RIN3: variants seen among roughly 807,000 people sequenced by gnomAD.
The protein encoded by RIN3 is RAB5 interacting protein 3.
In RIN3, 54 loss-of-function variants were observed where a neutral mutation model predicts 76.3. That is an observed-to-expected ratio of 0.71 (90% CI 0.57 to 0.89). The LOEUF (loss-of-function observed/expected upper bound fraction) is 0.89. Ranked by LOEUF, RIN3 falls within the 40% of genes least tolerant of loss-of-function variation. RIN3 has a pLI of 0.00. For missense variants in RIN3, 1,256 were observed against 1,322.1 expected, an observed-to-expected ratio of 0.95 and a Z score of 0.78; for synonymous variants, 576 against 564.0, an observed-to-expected ratio of 1.02 and a Z score of -0.30.
chr14:92,567,915 TTAA>T (rs1373521598), intron 2 of RIN3, among the ~76,000 whole-genome samples: 2 of 152,204 alleles, frequency 1.3e-5, no homozygotes, highest in African/African-American at 4.8e-5. Context: ...ATAATAATAA[TTAA>T]TAATTAGGAT....
chr14:92,555,988 A>G (rs777908785), intron 2 of RIN3, 33 bp downstream of exon 2: 2 of 1,588,520 alleles, frequency 1.3e-6, no homozygotes, highest in Non-Finnish European at 8.6e-7. Context: ...TGGTAGGCAC[A>G]CACACCTGTG....
At chr14:92,601,759 C>T (rs147497145) in intron 3 of RIN3, among the ~76,000 whole-genome samples, 4 of 152,280 alleles carry the variant, frequency 2.6e-5, no homozygotes, top group African/African-American at 9.6e-5. Flanking sequence ...TGACTCCTTC[C>T]ACCTCCCCTT....
chr14:92,592,642 GTATTATTATTATTAT>G (rs143659950), intron 3 of RIN3, among the ~76,000 whole-genome samples: 12,543 of 134,570 alleles, frequency 0.093, 680 homozygotes, highest in Non-Finnish European at 0.12. Flanking sequence ...TTTAAATTTT[GTATTATTATTATTAT>G]TATTATTATT....
In RIN3 at chr14:92,555,904, G is replaced by A. The variant is rs1468345813; in HGVS notation, c.198G>A (p.Leu66=). 12 of 1,613,800 alleles carry A rather than the reference G, an allele frequency of 7.4e-6. No individual in the cohort carries two copies. Among genetic ancestry groups the A allele is most frequent in the African/African-American group, 1.3e-5 (1 of 74,914 alleles). Residue 66 remains leucine, a synonymous_variant, in exon 2 of 10, where the codon CTG becomes CTA. Coordinates refer to ENST00000216487, the MANE Select transcript of RIN3 (RefSeq NM_024832.5). ...LIKTCPVWLQ[L]SLGQAEVARI... The stretch of plus-strand genomic sequence containing the variant: ...AAACATGCCCGGTGTGGCTGCAGCT[G>A]AGTCTGGGCCAGGCAGAGGTGGCCA...
intron 1 of RIN3, chr14:92,515,603 TATC>T (rs774731157): frequency 4.0e-5 from 12 of 303,068 alleles, no homozygotes; most frequent in Non-Finnish European, 6.1e-5. Context: ...TCACCATTAT[TATC>T]ATTTGTTGGG....
Position 92,656,480 on chromosome 14 carries a change from C to T in RIN3, c.2027-2681C>T, listed in dbSNP as rs1328139191. Among the ~76,000 whole-genome samples, 1 of 152,164 alleles carries T rather than the reference C, an allele frequency of 6.6e-6. No individual in the cohort carries two copies. Among genetic ancestry groups the T allele is most frequent in the Middle Eastern group, 3.2e-3 (1 of 316 alleles). ...CAAAGGAGGTGGAGCACAAGCTGGACCTCTGCTGGAAACAGCAGGAATGAC... is the reference window on the plus strand; with the variant it reads ...CAAAGGAGGTGGAGCACAAGCTGGATCTCTGCTGGAAACAGCAGGAATGAC... On this transcript the variant is annotated intron_variant, in intron 6 of 9. Transcript: ENST00000216487. This position sits in a 1 kb window ranked among gnomAD's most constrained non-coding sequence, Gnocchi z 5.2.
chr14:92,552,533 C>T (rs1291578997), intron 1 of RIN3, among the ~76,000 whole-genome samples: 1 of 152,084 alleles, frequency 6.6e-6, no homozygotes, highest in Non-Finnish European at 1.5e-5. Flanking sequence ...GGGGCCCTCC[C>T]CCTACCCCCT....
In RIN3 at chr14:92,582,409, T is replaced by C. The variant is rs186800606; in HGVS notation, c.367+4932T>C. Among the ~76,000 whole-genome samples the C allele has an allele frequency of 8.3e-3, 1,244 of 150,126 alleles. 11 individuals are homozygous for C. The highest frequency in any genetic ancestry group is 0.051 in the Middle Eastern group (15 of 292). The stretch of plus-strand genomic sequence containing the variant: ...AATACACAGGTGTCATCCGTAAGTT[T>C]GTGTGTGTGTGGTTTTGCTGTTTCC... On this transcript the variant is annotated intron_variant, in intron 3 of 9. Transcript: ENST00000216487.
intron 2 of RIN3, among the ~76,000 whole-genome samples, chr14:92,570,043 G>T (rs1189029897): frequency 6.6e-6 from 1 of 152,222 alleles, no homozygotes; most frequent in Non-Finnish European, 1.5e-5. Flanking sequence ...GATACCTAAA[G>T]ATGGGGCAGC....
chr14:92,544,601 C>T (rs754561966), intron 1 of RIN3, among the ~76,000 whole-genome samples: 2 of 152,166 alleles, frequency 1.3e-5, no homozygotes, highest in Admixed American at 6.5e-5. Flanking sequence ...GGGGACAGGG[C>T]ACTGGCAGAA....
At chr14:92,517,496 C>A (rs746445520) in intron 1 of RIN3, among the ~76,000 whole-genome samples, 80 of 152,202 alleles carry the variant, frequency 5.3e-4, no homozygotes, top group Non-Finnish European at 1.0e-3. Flanking sequence ...ACCCAAGGCC[C>A]CTTAACTTCC....
intron 2 of RIN3, among the ~76,000 whole-genome samples, chr14:92,561,044 A>ATATATATATATATAT (rs1410361225): frequency 2.5e-4 from 6 of 24,404 alleles, no homozygotes; most frequent in African/African-American, 7.8e-4. Flanking sequence ...AAAAAAAAAA[A>ATATATATATATATAT]ATATATATAT....
At chr14:92,554,300 T>TG (rs1897517708) in intron 1 of RIN3, among the ~76,000 whole-genome samples, 1 of 152,094 alleles carries the variant, frequency 6.6e-6, no homozygotes, top group East Asian at 1.9e-4. Flanking sequence ...ATGAGGGTCT[T>TG]GGGGAGGGTC....
chr14:92,559,417 G>T (rs1422268977), intron 2 of RIN3, among the ~76,000 whole-genome samples: 1 of 152,232 alleles, frequency 6.6e-6, no homozygotes, highest in African/African-American at 2.4e-5. Context: ...CCCTCCAGAA[G>T]TGAGTAGCAG....
chr14:92,600,895 G>C (rs1028274831), intron 3 of RIN3, among the ~76,000 whole-genome samples: 2 of 152,170 alleles, frequency 1.3e-5, no homozygotes, highest in African/African-American at 4.8e-5. Flanking sequence ...ACAATCAAAA[G>C]TATCTTTACA....
Position 92,514,045 on chromosome 14 carries a change from A to G in RIN3, c.44+69A>G. 1.1e-5 allele frequency: 12 copies of G among 1,063,768 alleles called. No homozygotes were observed. The highest frequency in any genetic ancestry group is 1.4e-5 in the Non-Finnish European group (12 of 833,592). 65.9% of individuals were successfully genotyped at this position (1,063,768 alleles called of 1,614,324 possible). A position where few individuals can be genotyped will look rare whatever the true frequency, so the allele number is the denominator to read the frequency against. On this transcript the variant is annotated intron_variant, in intron 1 of 9. Transcript: ENST00000216487. The surrounding 1 kb of genome is among the most constrained non-coding windows in gnomAD (Gnocchi z 7.2). ...GCCCGCGTCCTGGCCGCCCCACTCC[A>G]CTTCTTGTCCCAGAGAGTCCTTCGG...
At position 92,685,117 on chromosome 14, in the gene RIN3, C is replaced by T; in HGVS notation, c.2598C>T (p.Leu866=). The part of the protein sequence containing the change: ...SIHRWERRRT[L]NKARASRSSV... ...ACCGCTGGGAGCGCCGGCGTACTCT[C>T]AACAAGGCCCGGGCCTCCCGCTCCT... Residue 866 remains leucine, a synonymous_variant, in exon 9 of 10, where the codon CTC becomes CTT. Transcript: ENST00000216487. The surrounding 1 kb of genome is among the most constrained non-coding windows in gnomAD (Gnocchi z 4.7). The T allele has an allele frequency of 6.2e-7, 1 of 1,613,246 alleles. No homozygotes were observed. Among genetic ancestry groups the T allele is most frequent in the Non-Finnish European group, 8.5e-7 (1 of 1,179,694 alleles).
intron 3 of RIN3, among the ~76,000 whole-genome samples, chr14:92,604,853 G>GATT (rs1252691736): frequency 6.8e-6 from 1 of 146,866 alleles, no homozygotes; most frequent in Non-Finnish European, 1.5e-5. Context: ...TATACCGGCA[G>GATT]ATTCCCTGTT....
chr14:92,600,386 G>T (rs1344009633), intron 3 of RIN3, among the ~76,000 whole-genome samples: 1 of 152,074 alleles, frequency 6.6e-6, no homozygotes, highest in African/African-American at 2.4e-5. Context: ...GCTGCCCCAG[G>T]ATGCCTAAGG....
Sources: gnomAD v4.1 joint callset for allele counts (sites outside exome capture counted in the v4.1 genomes callset) on GRCh38, gnomAD v4.1.1 for gene constraint, Gnocchi (gnomAD v3.1) non-coding constraint, MANE v1.5 for transcripts, NCBI Gene and HGNC (gene_info 2026-07-23, HGNC 2026-07-21) for gene names.